CLVS2: variants seen among roughly 807,000 people sequenced by gnomAD.
The protein encoded by CLVS2 is clavesin-2.
Under a neutral mutation model 29.0 loss-of-function variants are expected in CLVS2, and 19 were observed. The observed-to-expected ratio is 0.66, with a 90% CI of 0.46 to 0.96. The LOEUF is 0.96. CLVS2 is among the 40% of genes least tolerant of loss of function. The pLI, the probability that CLVS2 is intolerant of heterozygous loss-of-function variation, is 0.00. For synonymous variants in CLVS2, 161 were observed against 151.3 expected, an observed-to-expected ratio of 1.06 and a Z score of -0.47; for missense variants, 294 against 404.1, an observed-to-expected ratio of 0.73 and a Z score of 2.34.
chr6:123,020,375 T>A (rs563865678), intron 3 of CLVS2, among the ~76,000 whole-genome samples: 120 of 152,178 alleles, frequency 7.9e-4, no homozygotes, highest in African/African-American at 2.7e-3. Flanking sequence ...AGATTTTGAA[T>A]TTTCAGATTT....
At chr6:123,058,819 T>G (rs1184121618) in intron 5 of CLVS2, among the ~76,000 whole-genome samples, 1 of 151,988 alleles carries the variant, frequency 6.6e-6, no homozygotes, top group Non-Finnish European at 1.5e-5. Flanking sequence ...GACTAGTTAA[T>G]TTTTTATTTT....
chr6:123,052,510 T>C (rs1772626283), intron 4 of CLVS2, among the ~76,000 whole-genome samples: 1 of 152,108 alleles, frequency 6.6e-6, no homozygotes, highest in African/African-American at 2.4e-5. Context: ...CTGTTGAGAA[T>C]AGAGTGTAGG....
intron 3 of CLVS2, among the ~76,000 whole-genome samples, chr6:123,046,763 C>A (rs1160553029): frequency 1.3e-5 from 2 of 152,000 alleles, no homozygotes; most frequent in East Asian, 1.9e-4. Flanking sequence ...GGTAGTGCAG[C>A]AGGTTAACAA....
At chr6:123,054,560 T>C (rs1398922858) in intron 4 of CLVS2, among the ~76,000 whole-genome samples, 1 of 152,258 alleles carries the variant, frequency 6.6e-6, no homozygotes, top group Non-Finnish European at 1.5e-5. Context: ...TCTTTCTTTG[T>C]TTCCCAATGT....
intron 3 of CLVS2, among the ~76,000 whole-genome samples, chr6:123,024,383 G>A (rs1774968630): frequency 6.6e-6 from 1 of 152,126 alleles, no homozygotes; most frequent in Non-Finnish European, 1.5e-5. Context: ...CACATGAAGA[G>A]ATTTGTATAT....
At chr6:123,061,574 C>G (rs1772778674) in intron 5 of CLVS2, among the ~76,000 whole-genome samples, 1 of 152,186 alleles carries the variant, frequency 6.6e-6, no homozygotes, top group Admixed American at 6.5e-5. Context: ...ATGGAATCAG[C>G]ATTCATCATC....
chr6:123,052,999 T>C (rs1268884863), intron 4 of CLVS2, among the ~76,000 whole-genome samples: 4 of 148,896 alleles, frequency 2.7e-5, no homozygotes, highest in Admixed American at 2.7e-4. Context: ...GAAAATATAG[T>C]TAAAGAAGAG....
At chr6:123,025,366 T>TTGTAAAA (rs1774986596) in intron 3 of CLVS2, among the ~76,000 whole-genome samples, 1 of 152,116 alleles carries the variant, frequency 6.6e-6, no homozygotes, top group African/African-American at 2.4e-5. Flanking sequence ...CTCATTGTCA[T>TTGTAAAA]TGGTTGGGAA....
chr6:123,004,012 A>G (rs1343081761), intron 2 of CLVS2, among the ~76,000 whole-genome samples: 1 of 152,202 alleles, frequency 6.6e-6, no homozygotes, highest in Non-Finnish European at 1.5e-5. Flanking sequence ...AGGCAAATGT[A>G]TAAAAAAAAT....
chr6:122,998,096 G>A lies in CLVS2; in HGVS notation c.319G>A (p.Gly107Ser), dbSNP rs758694783. Residue 107 changes from glycine to serine, a missense_variant, in exon 2 of 6, where the codon GGC (glycine) becomes AGC (serine). Gly to Ser is a moderately conservative substitution (Grantham distance 56, BLOSUM62 0). This residue lies in a region of CLVS2 where 212 missense variants were observed against 336.4 expected (regional missense o/e 0.63). Transcript: ENST00000275162. ...KQALKDGFPG[G>S]LANLDHYGRK... is the part of the protein sequence containing the mutation. ...GGCACTGAAGGATGGCTTCCCTGGG[G>A]GCCTGGCCAATCTGGACCACTATGG... 22 of 1,613,934 alleles carry A rather than the reference G, an allele frequency of 1.4e-5. No homozygotes were observed. In the South Asian group the frequency reaches 2.3e-4, roughly 17 times the overall value.
chr6:123,031,543 C>A (rs1413208417), intron 3 of CLVS2, among the ~76,000 whole-genome samples: 3 of 152,062 alleles, frequency 2.0e-5, no homozygotes, highest in Non-Finnish European at 4.4e-5. Flanking sequence ...AAATAGTAAC[C>A]ATATGAGGTG....
At position 123,067,259 on chromosome 6, in the gene CLVS2, A is replaced by G. The variant is rs975068566; in HGVS notation, c.*3498A>G. 6.6e-6 allele frequency: 1 copy of G among 151,710 alleles called. No homozygotes were observed. Among genetic ancestry groups the G allele is most frequent in the African/African-American group, 2.4e-5 (1 of 41,414 alleles). The allele number at this position is 151,710 out of a possible 1,614,324, so 9.4% of individuals were successfully genotyped here. A position where few individuals can be genotyped will look rare whatever the true frequency, so the allele number is the denominator to read the frequency against. ...AGAGGTCCCTCTATTGCATCAAGAAATTGGAGAGTTGTTTTAGACATTGGG... is the reference window on the plus strand; with the variant it reads ...AGAGGTCCCTCTATTGCATCAAGAAGTTGGAGAGTTGTTTTAGACATTGGG... On this transcript the variant is annotated 3_prime_UTR_variant, in exon 6 of 6. Transcript: ENST00000275162.
chr6:123,006,235 A>G (rs769129276), intron 2 of CLVS2, among the ~76,000 whole-genome samples: 1 of 152,230 alleles, frequency 6.6e-6, no homozygotes, highest in African/African-American at 2.4e-5. Context: ...TTAAGTGAAC[A>G]TAAAGCATCG....
At chr6:123,013,467 A>C (rs1461999226) in intron 3 of CLVS2, among the ~76,000 whole-genome samples, 1 of 151,940 alleles carries the variant, frequency 6.6e-6, no homozygotes, top group Non-Finnish European at 1.5e-5. Flanking sequence ...AAAACATAAA[A>C]AAAAATTATA....
At position 123,070,172 on chromosome 6, in the gene CLVS2, T is replaced by C. The variant is rs1034124610; in HGVS notation, c.*6411T>C. On this transcript the variant is annotated 3_prime_UTR_variant, in exon 6 of 6. Transcript: ENST00000275162. ...TCATTCATATAGCTAACAATTTTAA[T>C]TGGATGGCTAATGGATATGGCGGAT... 1 of 151,958 alleles carries C rather than the reference T, an allele frequency of 6.6e-6. No individual in the cohort carries two copies. Among genetic ancestry groups the C allele is most frequent in the African/African-American group, 2.4e-5 (1 of 41,432 alleles). The allele number at this position is 151,958 out of a possible 1,614,324, so 9.4% of individuals were successfully genotyped here.
chr6:123,018,945 A>G (rs1244550810), intron 3 of CLVS2, among the ~76,000 whole-genome samples: 1 of 152,076 alleles, frequency 6.6e-6, no homozygotes, highest in Non-Finnish European at 1.5e-5. Context: ...TGACTCAACC[A>G]TCTCTCACAT....
chr6:123,031,012 C>T (rs952757516), intron 3 of CLVS2, among the ~76,000 whole-genome samples: 6 of 151,734 alleles, frequency 4.0e-5, no homozygotes, highest in South Asian at 2.1e-4. Flanking sequence ...GGCTCTTTGC[C>T]GCCTCAACCT....
At chr6:123,001,515 G>T (rs1774589186) in intron 2 of CLVS2, among the ~76,000 whole-genome samples, 1 of 152,160 alleles carries the variant, frequency 6.6e-6, no homozygotes, top group East Asian at 1.9e-4. Context: ...GCTGTACCTT[G>T]GAAAAGATTC....
chr6:123,030,834 T>TAA (rs1554202189), intron 3 of CLVS2, among the ~76,000 whole-genome samples: 2 of 107,304 alleles, frequency 1.9e-5, no homozygotes, highest in Non-Finnish European at 4.1e-5. Flanking sequence ...TATATATATA[T>TAA]AAAATATATA....
Sources: gnomAD v4.1 joint callset for allele counts (sites outside exome capture counted in the v4.1 genomes callset) on GRCh38, gnomAD v4.1.1 for gene constraint, gnomAD v4.1.1 regional missense constraint, MANE v1.5 for transcripts, NCBI Gene and HGNC (gene_info 2026-07-23, HGNC 2026-07-21) for gene names.